The following CCDC102A variants were observed in gnomAD, a reference collection of about 807,000 sequenced individuals.
CCDC102A encodes the protein coiled-coil domain-containing protein 102A.
A neutral mutation model predicts 55.5 loss-of-function variants in CCDC102A; 40 were observed. The ratio of observed to expected loss-of-function variants is 0.72; its 90% CI spans 0.56 to 0.94. The LOEUF (loss-of-function observed/expected upper bound fraction) is 0.94, where lower values mean the gene tolerates loss of function less well. Among genes scored for constraint, CCDC102A ranks in the 40% least tolerant of loss-of-function variants. CCDC102A has a pLI of 0.00. For missense variants in CCDC102A, 779 were observed against 768.6 expected, an observed-to-expected ratio of 1.01 and a Z score of -0.16; for synonymous variants, 323 against 339.0, an observed-to-expected ratio of 0.95 and a Z score of 0.52.
chr16:57,525,858 G>C (rs764322757), intron 3 of CCDC102A, 43 bp downstream of exon 3: 3 of 1,565,572 alleles, frequency 1.9e-6, no homozygotes, highest in South Asian at 2.2e-5. Context: ...GTTGTAGCAC[G>C]GCCTGGCCCT....
chr16:57,514,055 C>G (rs1395601374), intron 8 of CCDC102A, among the ~76,000 whole-genome samples: 1 of 152,192 alleles, frequency 6.6e-6, no homozygotes, highest in Non-Finnish European at 1.5e-5. Context: ...GAAAAAACAT[C>G]TTTCCTTTCT....
intron 6 of CCDC102A, 83 bp downstream of exon 6, chr16:57,517,985 C>T: frequency 2.1e-6 from 3 of 1,422,204 alleles, no homozygotes; most frequent in South Asian, 1.3e-5. Flanking sequence ...TATCACCAGG[C>T]CTGACACATA....
chr16:57,518,202 C>G lies in CCDC102A; in HGVS notation c.1114G>C (p.Glu372Gln), dbSNP rs200849047. The change falls in exon 6 of 9, where the codon GAG (glutamate) becomes CAG (glutamine). Residue 372 changes from glutamate to glutamine, a missense_variant. Glu to Gln is a conservative substitution (Grantham distance 29, BLOSUM62 2). Coordinates refer to ENST00000258214, the MANE Select transcript of CCDC102A (RefSeq NM_033212.4). ...ERLETEKLGL[E>Q]RENKKLRAQV... ...GCCCGCAGCTTCTTGTTCTCCCGCT[C>G]AAGGCCCAGTTTCTCTGTCTCCAGC... 1.2e-6 allele frequency: 2 copies of G among 1,612,570 alleles called. No individual in the cohort carries two copies. The highest frequency in any genetic ancestry group is 1.7e-6 in the Non-Finnish European group (2 of 1,179,922).
Position 57,521,113 on chromosome 16 carries a change from G to A in CCDC102A, c.876C>T (p.Ile292=), listed in dbSNP as rs147179404. The A allele has an allele frequency of 7.1e-5, 114 of 1,613,444 alleles. No individual in the cohort carries two copies. The highest frequency in any genetic ancestry group is 3.3e-5 in the Admixed American group (2 of 59,982). ...KLEGELSQWK[I]KYEELSKTKQ... Reference sequence around the variant, plus strand: ...TGGTCTTGCTCAGCTCCTCATACTTGATCTTCCACTGGCTGAGCTCCCCCT... The same window carrying A: ...TGGTCTTGCTCAGCTCCTCATACTTAATCTTCCACTGGCTGAGCTCCCCCT... The change falls in exon 4 of 9, where the codon ATC becomes ATT. Residue 292 remains isoleucine, a synonymous_variant. Coordinates refer to ENST00000258214, the MANE Select transcript of CCDC102A (RefSeq NM_033212.4).
intron 7 of CCDC102A, 145 bp from the exon 8 acceptor site, chr16:57,515,589 T>C: frequency 3.1e-6 from 2 of 649,232 alleles, no homozygotes; most frequent in South Asian, 1.7e-5. Flanking sequence ...GGCTAAGGCT[T>C]ACCTCTTCTA....
intron 6 of CCDC102A, among the ~76,000 whole-genome samples, chr16:57,517,338 T>A (rs2031972435): frequency 1.3e-5 from 2 of 152,116 alleles, no homozygotes; most frequent in Admixed American, 1.3e-4. Context: ...CCTGGAGAAC[T>A]CAGTTTATTT....
At chr16:57,520,536 AATAACATAAC>A (rs56888001) in intron 4 of CCDC102A, among the ~76,000 whole-genome samples, 6,647 of 124,678 alleles carry the variant, frequency 0.053, 218 homozygotes, top group East Asian at 0.087. Flanking sequence ...ACTCAGAAAA[AATAACATAAC>A]ATAACATAAC....
At position 57,524,592 on chromosome 16, in the gene CCDC102A, T is replaced by G. The variant is rs541508895; in HGVS notation, c.812+1309A>C. ...GCTCTGTCTAAAAAAAATATATATA[T>G]ATATAGAGAGAGAGACAGGGTCTTG... On this transcript the variant is annotated intron_variant, in intron 3 of 8. Coordinates refer to ENST00000258214, the MANE Select transcript of CCDC102A (RefSeq NM_033212.4). Among the ~76,000 whole-genome samples, 561 of 142,076 alleles carry G rather than the reference T, an allele frequency of 3.9e-3. 7 individuals are homozygous for G. The highest frequency in any genetic ancestry group is 0.033 in the South Asian group (150 of 4,610). The allele number at this position is 142,076 out of a possible 152,430, so 93.2% of individuals were successfully genotyped here.
chr16:57,528,840 G>C lies in CCDC102A; in HGVS notation c.338C>G (p.Ala113Gly). 1 of 1,321,378 alleles carries C rather than the reference G, an allele frequency of 7.6e-7. No individual in the cohort carries two copies. The highest frequency in any genetic ancestry group is 3.4e-5 in the East Asian group (1 of 29,374). The allele number at this position is 1,321,378 out of a possible 1,614,324, so 81.9% of individuals were successfully genotyped here. A position where few individuals can be genotyped will look rare whatever the true frequency, so the allele number is the denominator to read the frequency against. ...CTCCTCGCGCGCGCGGTTGCGCTCA[G>C]CGCGCACCTTGCTCCATTTCTCGCG... ...NWREKWSKVR[A>G]ERNRAREEVR... The change falls in exon 2 of 9, where the codon GCT becomes GGT. Residue 113 changes from alanine (A) to glycine (G), a missense_variant. Coordinates refer to ENST00000258214, the MANE Select transcript of CCDC102A (RefSeq NM_033212.4).
rs1185292785 is a variant in CCDC102A at position 57,528,632 on chromosome 16, T to A, written c.546A>T (p.Pro182=). ...DGPEPEAERE[P]VRDVGSERPP... ...GCCTCTCGGACCCGACGTCACGCAC[T>A]GGCTCGCGCTCCGCTTCCGGCTCGG... The change falls in exon 2 of 9, where the codon CCA becomes CCT. Residue 182 remains proline, a synonymous_variant. Transcript: ENST00000258214. 8.1e-7 allele frequency: 1 copy of A among 1,232,248 alleles called. No individual in the cohort carries two copies. Among genetic ancestry groups the A allele is most frequent in the East Asian group, 4.2e-5 (1 of 23,590 alleles). The allele number at this position is 1,232,248 out of a possible 1,614,324, so 76.3% of individuals were successfully genotyped here.
In CCDC102A at chr16:57,518,680, T is replaced by C. The variant is rs1160812644; in HGVS notation, c.983A>G (p.Asp328Gly). 21 of 1,613,784 alleles carry C rather than the reference T, an allele frequency of 1.3e-5. No homozygotes were observed. The highest frequency in any genetic ancestry group is 1.8e-5 in the Non-Finnish European group (21 of 1,179,928). Reference protein sequence around the residue: ...ELGRMSEDLEDELGARSSMDR... With the variant: ...ELGRMSEDLEGELGARSSMDR... ...CATGCTGGAGCGTGCACCGAGCTCA[T>C]CTTCCAGGTCCTCAGACATGCGGCC... is the stretch of plus-strand genomic sequence containing the variant. Residue 328 changes from aspartate to glycine, a missense_variant, in exon 5 of 9, where the codon GAT becomes GGT. Transcript: ENST00000258214.
intron 5 of CCDC102A, among the ~76,000 whole-genome samples, 168 bp downstream of exon 5, chr16:57,518,457 C>G (rs976225132): frequency 6.6e-6 from 1 of 152,246 alleles, no homozygotes; most frequent in Non-Finnish European, 1.5e-5. Flanking sequence ...CTTCTGGCCT[C>G]TGTGTGGGAG....
chr16:57,533,198 G>C (rs1383849099), intron 1 of CCDC102A, among the ~76,000 whole-genome samples: 1 of 152,182 alleles, frequency 6.6e-6, no homozygotes, highest in Admixed American at 6.5e-5. Context: ...AGAAGGAAAG[G>C]GCACAGCAGG....
At chr16:57,525,831 T>C in intron 3 of CCDC102A, 70 bp downstream of exon 3, 1 of 1,369,222 alleles carries the variant, frequency 7.3e-7, no homozygotes, top group Non-Finnish European at 1.0e-6. Flanking sequence ...AGTCTAATGT[T>C]CTGTGATTCT....
chr16:57,534,616 G>A (rs951894612), intron 1 of CCDC102A, among the ~76,000 whole-genome samples: 7 of 152,188 alleles, frequency 4.6e-5, no homozygotes, highest in African/African-American at 1.4e-4. Flanking sequence ...GTCCACGAGC[G>A]AGGGCATCAG....
chr16:57,526,849 T>C (rs1290734402), intron 2 of CCDC102A, among the ~76,000 whole-genome samples: 1 of 152,162 alleles, frequency 6.6e-6, no homozygotes, highest in Non-Finnish European at 1.5e-5. Flanking sequence ...TACTCTTCTG[T>C]TTCTCAGATT....
intron 2 of CCDC102A, among the ~76,000 whole-genome samples, chr16:57,526,713 G>C (rs1336861529): frequency 6.6e-6 from 1 of 152,152 alleles, no homozygotes; most frequent in Admixed American, 6.5e-5. Flanking sequence ...AAGGACCACA[G>C]CCCCTGTTCC....
intron 8 of CCDC102A, among the ~76,000 whole-genome samples, chr16:57,514,768 C>G (rs2031924215): frequency 6.6e-6 from 1 of 152,180 alleles, no homozygotes; most frequent in Non-Finnish European, 1.5e-5. Flanking sequence ...GGCTCCGATG[C>G]TCCTTGGGCC....
intron 5 of CCDC102A, 78 bp downstream of exon 5, chr16:57,518,547 T>C: frequency 3.4e-6 from 4 of 1,178,032 alleles, no homozygotes; most frequent in South Asian, 2.5e-5. Context: ...CCCTGCCCTG[T>C]TCCCAGTGAC....
Sources: gnomAD v4.1 joint callset for allele counts (sites outside exome capture counted in the v4.1 genomes callset) on GRCh38, gnomAD v4.1.1 for gene constraint, MANE v1.5 for transcripts, NCBI Gene and HGNC (gene_info 2026-07-23, HGNC 2026-07-21) for gene names.